The following DGKG variants were observed in gnomAD, a reference collection of about 807,000 sequenced individuals.
The protein encoded by DGKG is DAG kinase gamma.
DGKG carries 78 observed loss-of-function variants against 105.3 expected under a neutral mutation model. That is an observed-to-expected ratio of 0.74 (90% confidence interval 0.62 to 0.89). The LOEUF is 0.89. Ranked by LOEUF, DGKG falls within the 40% of genes least tolerant of loss-of-function variation. The pLI, the probability that DGKG is intolerant of heterozygous loss-of-function variation, is 0.00. For synonymous variants in DGKG, 346 were observed against 367.1 expected (o/e 0.94, Z 0.66); for missense variants, 958 against 1,020.1 (o/e 0.94, Z 0.83).
rs1254139574 is a variant in DGKG, at chr3:186,152,499, CT to C, written c.2278-2312del. Among the ~76,000 whole-genome samples the C allele has an allele frequency of 3.3e-5, 5 of 152,258 alleles. No homozygotes were observed. In the South Asian group the frequency reaches 1.0e-3, roughly 32 times the overall value. On this transcript the variant is annotated intron_variant, in intron 24 of 24. Transcript: ENST00000265022. ...ATGCCCATGAGGGGAAGGACTTCAG[CT>C]TATTCACCACGGCACTCTCTGAGCC... is the stretch of plus-strand genomic sequence containing the variant.
At position 186,148,730 on chromosome 3, in the gene DGKG, C is replaced by A; in HGVS notation, c.*1360G>T. 1 of 985,178 alleles carries A rather than the reference C, an allele frequency of 1.0e-6. No individual in the cohort carries two copies. Among genetic ancestry groups the A allele is most frequent in the Non-Finnish European group, 1.2e-6 (1 of 829,670 alleles). The allele number at this position is 985,178 out of a possible 1,614,324, so 61.0% of individuals were successfully genotyped here. On this transcript the variant is annotated 3_prime_UTR_variant, in exon 25 of 25. Coordinates refer to ENST00000265022, the MANE Select transcript of DGKG (RefSeq NM_001346.3). The stretch of plus-strand genomic sequence containing the variant: ...GGAGAGTAAATCCAGCCCAGCAGGT[C>A]TTTCATGCTTGTTTTGAGGATCCAG...
chr3:186,261,797 AAG>A lies in DGKG; in HGVS notation c.1270-21_1270-20del. The A allele has an allele frequency of 6.5e-7, 1 of 1,534,122 alleles. No individual in the cohort carries two copies. Among genetic ancestry groups the A allele is most frequent in the East Asian group, 2.3e-5 (1 of 43,868 alleles). ...TCTTATACTTGAAAGGTAAAAGAAA[AAG>A]AAATTAGCTCTGCTTCATCCAATAG... On this transcript the variant is annotated intron_variant, in intron 14 of 24. Transcript: ENST00000265022.
At chr3:186,269,325 G>A (rs181438045) in intron 11 of DGKG, among the ~76,000 whole-genome samples, 1 of 152,342 alleles carries the variant, frequency 6.6e-6, no homozygotes, top group East Asian at 1.9e-4. Flanking sequence ...GACAAAACTG[G>A]CTGGAGTCCC....
chr3:186,188,099 G>C, intron 22 of DGKG, 103 bp downstream of exon 22: 1 of 1,313,536 alleles, frequency 7.6e-7, no homozygotes. Context: ...AGAGCATGGA[G>C]TCCTTGCTGG....
chr3:186,350,050 A>AT (rs1187921110), intron 1 of DGKG, among the ~76,000 whole-genome samples: 5 of 152,012 alleles, frequency 3.3e-5, no homozygotes, highest in Non-Finnish European at 4.4e-5. Flanking sequence ...TGCCTGGCTA[A>AT]TTTTTGTGTA....
chr3:186,230,373 T>C (rs893003879), intron 20 of DGKG, among the ~76,000 whole-genome samples: 2 of 152,184 alleles, frequency 1.3e-5, no homozygotes, highest in African/African-American at 2.4e-5. Flanking sequence ...GTTCAGAATA[T>C]TCTGTGCTGC....
chr3:186,289,052 G>C (rs954021566), intron 5 of DGKG, among the ~76,000 whole-genome samples, 172 bp from the exon 6 acceptor site: 3 of 152,246 alleles, frequency 2.0e-5, no homozygotes, highest in Non-Finnish European at 4.4e-5. Flanking sequence ...TCCAACTTGT[G>C]GAGTTCATAT....
intron 20 of DGKG, among the ~76,000 whole-genome samples, chr3:186,218,035 T>C (rs1157406939): frequency 2.0e-5 from 3 of 152,096 alleles, no homozygotes; most frequent in African/African-American, 7.2e-5. Flanking sequence ...GTGAAACAGA[T>C]GCTACCCACA....
rs1418318644 is a variant in DGKG, at chr3:186,284,095, A to G, written c.594+565T>C. On this transcript the variant is annotated intron_variant, in intron 7 of 24. Coordinates refer to ENST00000265022, the MANE Select transcript of DGKG (RefSeq NM_001346.3). This position sits in a 1 kb window ranked among gnomAD's most constrained non-coding sequence, Gnocchi z 4.0. ...GTGAGTCTCAGGCTTTCTCAGGTGC[A>G]ATGGGATGGGAACATGTACTTAGAG... Among the ~76,000 whole-genome samples the G allele has an allele frequency of 6.6e-6, 1 of 152,084 alleles. No homozygotes were observed. Among genetic ancestry groups the G allele is most frequent in the East Asian group, 1.9e-4 (1 of 5,194 alleles).
At chr3:186,341,288 G>A (rs1217029854) in intron 1 of DGKG, among the ~76,000 whole-genome samples, 2 of 152,312 alleles carry the variant, frequency 1.3e-5, no homozygotes, top group East Asian at 3.9e-4. Context: ...TGGTCATGAA[G>A]GACTTGCATC....
intron 21 of DGKG, among the ~76,000 whole-genome samples, chr3:186,204,033 G>A (rs1278979860): frequency 6.6e-6 from 1 of 152,204 alleles, no homozygotes; most frequent in Non-Finnish European, 1.5e-5. Flanking sequence ...TAAGAGCCGT[G>A]AGTTCTCTTC....
intron 24 of DGKG, among the ~76,000 whole-genome samples, chr3:186,156,726 T>C (rs986343388): frequency 3.9e-5 from 6 of 152,044 alleles, no homozygotes; most frequent in Non-Finnish European, 7.4e-5. Context: ...CAGTTCAGTT[T>C]AGTATTTTAT....
At chr3:186,169,615 C>A (rs1716725460) in intron 22 of DGKG, among the ~76,000 whole-genome samples, 1 of 152,186 alleles carries the variant, frequency 6.6e-6, no homozygotes, top group Non-Finnish European at 1.5e-5. Flanking sequence ...CCCAGGCAAA[C>A]CCTACTGTTT....
At position 186,280,703 on chromosome 3, in the gene DGKG, C is replaced by A; in HGVS notation, c.636G>T (p.Gln212His). ...CIVNQMLHIA[Q>H]YLEWDPTELR... ...GCTCTGTGGGATCCCACTCCAGGTA[C>A]TGGGCAATATGCAGCATTTGGTTGA... is the stretch of plus-strand genomic sequence containing the variant. Residue 212 changes from glutamine to histidine, a missense_variant, in exon 8 of 25, where the codon CAG (glutamine) becomes CAT (histidine). Transcript: ENST00000265022. 1 of 1,614,124 alleles carries A rather than the reference C, an allele frequency of 6.2e-7. No individual in the cohort carries two copies. Among genetic ancestry groups the A allele is most frequent in the South Asian group, 1.1e-5 (1 of 91,082 alleles).
chr3:186,157,014 T>C (rs1716067729), intron 24 of DGKG, among the ~76,000 whole-genome samples: 1 of 152,022 alleles, frequency 6.6e-6, no homozygotes, highest in Non-Finnish European at 1.5e-5. Flanking sequence ...ATTTCTTTTC[T>C]GCTTCAAGTA....
intron 20 of DGKG, among the ~76,000 whole-genome samples, chr3:186,234,764 C>T (rs529601447): frequency 2.0e-5 from 3 of 152,178 alleles, no homozygotes; most frequent in African/African-American, 7.2e-5. Flanking sequence ...CTGTCTGTTC[C>T]CACGCGGACT....
In DGKG at chr3:186,241,769, C is replaced by T. The variant is rs548760801; in HGVS notation, c.1826+735G>A. On this transcript the variant is annotated intron_variant, in intron 20 of 24. Coordinates refer to ENST00000265022, the MANE Select transcript of DGKG (RefSeq NM_001346.3). Reference sequence around the variant, plus strand: ...ATGAAAATTGACTAATGAGAAGATACAGACAAAGAAGGAAAGAGGGAGAAA... The same window carrying T: ...ATGAAAATTGACTAATGAGAAGATATAGACAAAGAAGGAAAGAGGGAGAAA... Among the ~76,000 whole-genome samples, 9 of 152,230 alleles carry T rather than the reference C, an allele frequency of 5.9e-5. No individual in the cohort carries two copies. The South Asian group carries it at 8.3e-4, about 14-fold the overall frequency.
rs763434075 is a variant in DGKG at position 186,284,752 on chromosome 3, A to T, written c.545-43T>A. Reference sequence around the variant, plus strand: ...GTAAGCCTTGAGGTGTCCTCTAAGAAGCGCGGATGGCTGAAGTTTTGATGC... The same window carrying T: ...GTAAGCCTTGAGGTGTCCTCTAAGATGCGCGGATGGCTGAAGTTTTGATGC... On this transcript the variant is annotated intron_variant, in intron 6 of 24. Coordinates refer to ENST00000265022, the MANE Select transcript of DGKG (RefSeq NM_001346.3). The surrounding 1 kb of genome is among the most constrained non-coding windows in gnomAD (Gnocchi z 4.0). 350 of 1,557,046 alleles carry T rather than the reference A, an allele frequency of 2.2e-4. No individual in the cohort carries two copies. The highest frequency in any genetic ancestry group is 2.9e-4 in the Non-Finnish European group (327 of 1,129,112).
At chr3:186,323,185 A>G (rs879560924) in intron 1 of DGKG, among the ~76,000 whole-genome samples, 2 of 152,188 alleles carry the variant, frequency 1.3e-5, no homozygotes, top group African/African-American at 4.8e-5. Context: ...TCTTCTTTTC[A>G]TGATACACAA....
Sources: gnomAD v4.1 joint callset for allele counts (sites outside exome capture counted in the v4.1 genomes callset) on GRCh38, gnomAD v4.1.1 for gene constraint, Gnocchi (gnomAD v3.1) non-coding constraint, MANE v1.5 for transcripts, NCBI Gene and HGNC (gene_info 2026-07-23, HGNC 2026-07-21) for gene names.